CTNND2: variants seen among roughly 807,000 people sequenced by gnomAD.
CTNND2 encodes the protein catenin delta-2.
A neutral mutation model predicts 144.4 loss-of-function variants in CTNND2; 22 were observed. That is an observed-to-expected ratio of 0.15 (90% CI 0.11 to 0.22). CTNND2 has a LOEUF of 0.22. CTNND2 is among the 10% of genes least tolerant of loss of function. The pLI is 1.00. For missense variants in CTNND2, 1,353 were observed against 1,618.8 expected (o/e 0.84, Z 2.82); for synonymous variants, 751 against 695.6 (o/e 1.08, Z -1.25).
At chr5:11,449,633 T>C (rs1481455251) in intron 3 of CTNND2, among the ~76,000 whole-genome samples, 1 of 152,202 alleles carries the variant, frequency 6.6e-6, no homozygotes, top group Non-Finnish European at 1.5e-5. Flanking sequence ...TCAAAAGAAG[T>C]AAGATAAATT....
At chr5:11,146,517 A>C (rs1270589088) in intron 12 of CTNND2, among the ~76,000 whole-genome samples, 1 of 152,242 alleles carries the variant, frequency 6.6e-6, no homozygotes, top group Admixed American at 6.5e-5. Flanking sequence ...ATTGGAAAAA[A>C]AGACATAATA....
intron 8 of CTNND2, among the ~76,000 whole-genome samples, chr5:11,348,236 G>A (rs527859684): frequency 6.6e-6 from 1 of 152,166 alleles, no homozygotes; most frequent in East Asian, 1.9e-4. Context: ...AGTCCTTGAG[G>A]ATTTATCGTT....
chr5:11,641,572 G>A (rs866470393), intron 2 of CTNND2, among the ~76,000 whole-genome samples: 35 of 137,828 alleles, frequency 2.5e-4, no homozygotes, highest in African/African-American at 9.1e-4. Context: ...ATACATATAC[G>A]TGTGTATGTA....
intron 1 of CTNND2, among the ~76,000 whole-genome samples, chr5:11,800,514 C>A (rs1791620226): frequency 6.6e-6 from 1 of 152,134 alleles, no homozygotes; most frequent in South Asian, 2.1e-4. Context: ...GCATACATCC[C>A]TTAATTTATT....
chr5:11,457,240 C>T (rs946157579), intron 3 of CTNND2, among the ~76,000 whole-genome samples: 1 of 151,774 alleles, frequency 6.6e-6, no homozygotes, highest in Non-Finnish European at 1.5e-5. Flanking sequence ...TGTCTCTACA[C>T]AATTTTTTTT....
At chr5:11,886,310 GT>G (rs1736528170) in intron 1 of CTNND2, among the ~76,000 whole-genome samples, 1 of 152,000 alleles carries the variant, frequency 6.6e-6, no homozygotes, top group Non-Finnish European at 1.5e-5. Context: ...ATAGTACTTT[GT>G]TTATCTGGTT....
intron 2 of CTNND2, among the ~76,000 whole-genome samples, chr5:11,566,495 G>A (rs1358974353): frequency 1.3e-5 from 2 of 151,850 alleles, no homozygotes; most frequent in South Asian, 4.2e-4. Context: ...TTAACGTATT[G>A]CATCTTAAAT....
chr5:11,118,590 TG>T (rs1171064794), intron 12 of CTNND2, among the ~76,000 whole-genome samples: 1 of 152,152 alleles, frequency 6.6e-6, no homozygotes, highest in Non-Finnish European at 1.5e-5. Context: ...TTGGTGATGC[TG>T]ATGTTGAGAA....
intron 14 of CTNND2, among the ~76,000 whole-genome samples, chr5:11,099,812 A>G (rs1422121219): frequency 6.6e-6 from 1 of 152,212 alleles, no homozygotes; most frequent in East Asian, 1.9e-4. Flanking sequence ...AAAAATACAC[A>G]TATTCAGTTC....
At chr5:11,570,260 G>C (rs960122214) in intron 2 of CTNND2, among the ~76,000 whole-genome samples, 2 of 152,160 alleles carry the variant, frequency 1.3e-5, no homozygotes, top group Non-Finnish European at 2.9e-5. Context: ...TCTTTGCACA[G>C]CTGTCTTCTG....
intron 7 of CTNND2, among the ~76,000 whole-genome samples, chr5:11,375,540 T>C (rs1346583911): frequency 6.6e-6 from 1 of 152,232 alleles, no homozygotes; most frequent in African/African-American, 2.4e-5. Flanking sequence ...TATGTGTGTA[T>C]GTGCATGTAT....
At chr5:11,417,440 T>A (rs1561361448) in intron 3 of CTNND2, among the ~76,000 whole-genome samples, 1 of 152,102 alleles carries the variant, frequency 6.6e-6, no homozygotes, top group Non-Finnish European at 1.5e-5. Flanking sequence ...CTTTCCAGAA[T>A]ATACAATGAA....
At chr5:11,701,083 T>C (rs934298109) in intron 2 of CTNND2, among the ~76,000 whole-genome samples, 1 of 152,248 alleles carries the variant, frequency 6.6e-6, no homozygotes, top group African/African-American at 2.4e-5. Flanking sequence ...TACATAAATG[T>C]CTTTTATGAC....
At chr5:11,115,845 TG>T (rs1320911878) in intron 13 of CTNND2, among the ~76,000 whole-genome samples, 2 of 152,224 alleles carry the variant, frequency 1.3e-5, no homozygotes, top group Non-Finnish European at 2.9e-5. Flanking sequence ...CAGGCATCAG[TG>T]ATTTTCTAAA....
At chr5:11,631,155 T>C (rs1279061864) in intron 2 of CTNND2, among the ~76,000 whole-genome samples, 1 of 152,172 alleles carries the variant, frequency 6.6e-6, no homozygotes, top group African/African-American at 2.4e-5. Context: ...TTGCTGTCAT[T>C]AAGATATTCT....
intron 16 of CTNND2, among the ~76,000 whole-genome samples, chr5:11,060,606 G>A (rs1168523224): frequency 6.6e-6 from 1 of 152,094 alleles, no homozygotes; most frequent in African/African-American, 2.4e-5. Context: ...TCCTGGGGTG[G>A]ATAAACAGCC....
chr5:11,443,153 G>A (rs1764426931), intron 3 of CTNND2, among the ~76,000 whole-genome samples: 1 of 151,014 alleles, frequency 6.6e-6, no homozygotes, highest in South Asian at 2.1e-4. Context: ...TTCAGACTTT[G>A]ATTTTGACTT....
chr5:11,140,619 TG>T (rs1756631403), intron 12 of CTNND2, among the ~76,000 whole-genome samples: 1 of 152,094 alleles, frequency 6.6e-6, no homozygotes, highest in Admixed American at 6.5e-5. Flanking sequence ...GTCAAACACA[TG>T]GGAAGAGAGG....
At chr5:11,047,114 C>T (rs1403893497) in intron 16 of CTNND2, among the ~76,000 whole-genome samples, 1 of 152,150 alleles carries the variant, frequency 6.6e-6, no homozygotes, top group African/African-American at 2.4e-5. Context: ...ACCGTGAGTG[C>T]CTCTGTGAAA....
Sources: allele counts gnomAD v4.1 joint callset (sites outside exome capture counted in the v4.1 genomes callset), GRCh38; gene constraint gnomAD v4.1.1; transcripts MANE v1.5; gene names NCBI Gene and HGNC (gene_info 2026-07-23, HGNC 2026-07-21).